GPATCH8: variants seen among roughly 807,000 people sequenced by gnomAD.
The protein encoded by GPATCH8 is G-patch domain containing 8.
GPATCH8 carries 18 observed loss-of-function variants against 118.3 expected under a neutral mutation model. That is an observed-to-expected ratio of 0.15 (90% CI 0.11 to 0.23). The LOEUF (loss-of-function observed/expected upper bound fraction) is 0.23. Ranked by LOEUF, GPATCH8 falls within the 10% of genes least tolerant of loss-of-function variation. The pLI, the probability that GPATCH8 is intolerant of heterozygous loss-of-function variation, is 1.00. For synonymous variants in GPATCH8, 659 were observed against 684.7 expected, an observed-to-expected ratio of 0.96 and a Z score of 0.59; for missense variants, 1,631 against 1,873.8, an observed-to-expected ratio of 0.87 and a Z score of 2.39.
At chr17:44,460,823 T>C (rs1246656422) in intron 3 of GPATCH8, among the ~76,000 whole-genome samples, 1 of 152,206 alleles carries the variant, frequency 6.6e-6, no homozygotes, top group Non-Finnish European at 1.5e-5. Flanking sequence ...AGGTTTAGTA[T>C]GGTCAAAGAA....
chr17:44,502,804 G>A (rs1265105771), intron 1 of GPATCH8, among the ~76,000 whole-genome samples: 3 of 152,156 alleles, frequency 2.0e-5, no homozygotes, highest in African/African-American at 4.8e-5. Flanking sequence ...TGATAGCGAA[G>A]GCAACCTTTT....
chr17:44,453,670 G>A (rs990453658), intron 3 of GPATCH8, among the ~76,000 whole-genome samples: 6 of 151,996 alleles, frequency 3.9e-5, no homozygotes, highest in African/African-American at 1.2e-4. Context: ...GACTAAGGGT[G>A]CACATCACCA....
rs551294797 is a variant in GPATCH8, at chr17:44,452,090, G to C, written c.193+12382C>G. On this transcript the variant is annotated intron_variant, in intron 3 of 7. Transcript: ENST00000591680. ...GTTTGAGACCAGTCTGGCCAACATAGTGAAACCCCGTCTCTAATAAAAATA... is the reference window on the plus strand; with the variant it reads ...GTTTGAGACCAGTCTGGCCAACATACTGAAACCCCGTCTCTAATAAAAATA... Among the ~76,000 whole-genome samples, 4 of 152,008 alleles carry C rather than the reference G, an allele frequency of 2.6e-5. No homozygotes were observed. The South Asian group carries it at 6.2e-4, about 24-fold the overall frequency.
rs555854671 is a variant in GPATCH8 at position 44,467,750 on chromosome 17, A to G, written c.121-3206T>C. ...AGTATTCAGTATGGTCTCCCTTCCT[A>G]TCAGTAAAAGAAAAAAAGGTTTTAT... On this transcript the variant is annotated intron_variant, in intron 2 of 7. Transcript: ENST00000591680. Among the ~76,000 whole-genome samples the G allele has an allele frequency of 3.3e-5, 5 of 152,172 alleles. No homozygotes were observed. In the South Asian group the frequency reaches 1.0e-3, roughly 32 times the overall value.
In GPATCH8 at chr17:44,414,105, G is replaced by GTATATATATATGTATATATATGTGTATA. The variant is rs1567955370; in HGVS notation, c.493-8082_493-8055dup. 6.9e-5 allele frequency among the ~76,000 whole-genome samples: 7 copies of GTATATATATATGTATATATATGTGTATA among 100,844 alleles called. No individual in the cohort carries two copies. The South Asian group carries it at 1.8e-3, about 26-fold the overall frequency. 66.2% of individuals were successfully genotyped at this position (100,844 alleles called of 152,430 possible). On this transcript the variant is annotated intron_variant, in intron 6 of 7. Coordinates refer to ENST00000591680, the MANE Select transcript of GPATCH8 (RefSeq NM_001002909.4). ...TGTGTGTGTATATATATATATGTGT[G>GTATATATATATGTATATATATGTGTATA]TATATATATATGTATATATATGTGT...
chr17:44,465,629 A>G (rs1386324722), intron 2 of GPATCH8: 1 of 152,234 alleles, frequency 6.6e-6, no homozygotes, highest in Non-Finnish European at 1.5e-5. Flanking sequence ...TTAAAATGTA[A>G]TTTATAGTAT....
intron 6 of GPATCH8, among the ~76,000 whole-genome samples, chr17:44,422,586 T>G (rs1291152165): frequency 6.6e-6 from 1 of 151,562 alleles, no homozygotes. Flanking sequence ...GCCTCCCGGG[T>G]TCACGCCATT....
At chr17:44,436,598 A>C in intron 3 of GPATCH8, 53 bp from the exon 4 acceptor site, 128 of 860,554 alleles carry the variant, frequency 1.5e-4, no homozygotes, top group Non-Finnish European at 2.4e-4. Context: ...CCAACAGCTC[A>C]TTTTACACAT....
In GPATCH8 at chr17:44,503,340, C is replaced by A; in HGVS notation, c.31G>T (p.Asp11Tyr). 1 of 1,611,068 alleles carries A rather than the reference C, an allele frequency of 6.2e-7. No individual in the cohort carries two copies. The highest frequency in any genetic ancestry group is 1.1e-5 in the South Asian group (1 of 90,194). Residue 11 changes from aspartate to tyrosine, a missense_variant, in exon 1 of 8, where the codon GAC becomes TAC. Asp to Tyr is a radical substitution (Grantham distance 160). Coordinates refer to ENST00000591680, the MANE Select transcript of GPATCH8 (RefSeq NM_001002909.4). ...CCCGTGTTTACCTGAAAGTCTCGGT[C>A]TTCGTTGAAGCGGGAGAAGCGGTCC... The part of the protein sequence containing the change: MADRFSRFNE[D>Y]RDFQGNHFDQ...
intron 3 of GPATCH8, among the ~76,000 whole-genome samples, chr17:44,452,525 C>T (rs974264743): frequency 6.6e-5 from 10 of 152,056 alleles, no homozygotes; most frequent in African/African-American, 2.4e-4. Flanking sequence ...TCATAGTTGA[C>T]CTGTTTTATC....
intron 5 of GPATCH8, among the ~76,000 whole-genome samples, chr17:44,428,919 T>A (rs1373516044): frequency 6.6e-6 from 1 of 151,170 alleles, no homozygotes; most frequent in South Asian, 2.1e-4. Flanking sequence ...AGGTGGGCGG[T>A]TCACGAGGTC....
chr17:44,480,975 T>C (rs1218018228), intron 1 of GPATCH8, among the ~76,000 whole-genome samples: 1 of 152,166 alleles, frequency 6.6e-6, no homozygotes, highest in African/African-American at 2.4e-5. Context: ...GGCACCATCA[T>C]GGCTCACTCC....
chr17:44,475,400 G>GA (rs1037745769), intron 1 of GPATCH8, among the ~76,000 whole-genome samples: 1 of 135,140 alleles, frequency 7.4e-6, no homozygotes, highest in Non-Finnish European at 1.6e-5. Flanking sequence ...AAAAAAAAAA[G>GA]AAAAAACTTT....
At chr17:44,419,348 G>A (rs1235102398) in intron 6 of GPATCH8, among the ~76,000 whole-genome samples, 1 of 152,128 alleles carries the variant, frequency 6.6e-6, no homozygotes. Flanking sequence ...TGATTTTAGA[G>A]CATGAATTTG....
chr17:44,400,394 T>C lies in GPATCH8; in HGVS notation c.1683A>G (p.Ala561=). The stretch of plus-strand genomic sequence containing the variant: ...TACAACTGTATGAAATGGAGGGTTC[T>C]GCCTTGGTGAAAATTAATAGTTCTG... The part of the protein sequence containing the change: ...WPSELLIFTK[A]EPSISYSCNP... Residue 561 remains alanine (A), a synonymous_variant, in exon 8 of 8, where the codon GCA becomes GCG. Transcript: ENST00000591680. The C allele has an allele frequency of 2.5e-6, 4 of 1,613,942 alleles. No homozygotes were observed. In the South Asian group the frequency reaches 3.3e-5, roughly 13 times the overall value.
At chr17:44,468,373 CTTTTTTTTTTTTTTTTT>C (rs869068538) in intron 2 of GPATCH8, among the ~76,000 whole-genome samples, 3 of 100,014 alleles carry the variant, frequency 3.0e-5, no homozygotes, top group African/African-American at 4.3e-5. Flanking sequence ...TTCTTTGTTC[CTTTTTTTTTTTTTTTTT>C]TTTTTTTTTT....
rs200033732 is a variant in GPATCH8, at chr17:44,399,478, G to C, written c.2599C>G (p.Arg867Gly). Residue 867 changes from arginine (R) to glycine (G), a missense_variant, in exon 8 of 8, where the codon CGG (arginine) becomes GGG (glycine). Coordinates refer to ENST00000591680, the MANE Select transcript of GPATCH8 (RefSeq NM_001002909.4). ...TCTGAGCTACTTGAGTAAGAACGCC[G>C]GGAGGAACGATGCGAGGAATGGCGC... Reference protein sequence around the residue: ...GRRHSSHRSSRRSYSSSSDAS... With the variant: ...GRRHSSHRSSGRSYSSSSDAS... The C allele has an allele frequency of 3.1e-6, 5 of 1,614,042 alleles. No individual in the cohort carries two copies. Among genetic ancestry groups the C allele is most frequent in the Admixed American group, 3.3e-5 (2 of 59,990 alleles).
chr17:44,398,291 T>C lies in GPATCH8; in HGVS notation c.3786A>G (p.Pro1262=). 1 of 1,613,924 alleles carries C rather than the reference T, an allele frequency of 6.2e-7. No homozygotes were observed. ...TLESLDSSSQ[P]GPVESSLLPI... Reference sequence around the variant, plus strand: ...GCAGCAAGCTGGACTCCACAGGGCCTGGCTGACTGCTGCTATCCAGGGACT... The same window carrying C: ...GCAGCAAGCTGGACTCCACAGGGCCCGGCTGACTGCTGCTATCCAGGGACT... The change falls in exon 8 of 8, where the codon CCA becomes CCG. Residue 1262 remains proline, a synonymous_variant. Coordinates refer to ENST00000591680, the MANE Select transcript of GPATCH8 (RefSeq NM_001002909.4).
Position 44,397,840 on chromosome 17 carries a change from G to C in GPATCH8, c.4237C>G (p.Leu1413Val). The C allele has an allele frequency of 6.3e-7, 1 of 1,598,212 alleles. No homozygotes were observed. The highest frequency in any genetic ancestry group is 8.6e-7 in the Non-Finnish European group (1 of 1,169,098). Residue 1413 changes from leucine (L) to valine (V), a missense_variant, in exon 8 of 8, where the codon CTG becomes GTG. Around this residue, in one of 8 missense-constraint regions of GPATCH8, gnomAD observed 111 missense variants for 112.4 expected, o/e 0.99. Transcript: ENST00000591680. ...AQVHHIPQPHLTPISLSHLTH... is the reference protein window; with the variant it reads ...AQVHHIPQPHVTPISLSHLTH... The stretch of plus-strand genomic sequence containing the variant: ...AGGTGGGACAAAGAAATGGGGGTCA[G>C]ATGGGGCTGGGGAATATGATGCACC...
Sources: gnomAD v4.1 joint callset for allele counts (sites outside exome capture counted in the v4.1 genomes callset) on GRCh38, gnomAD v4.1.1 for gene constraint, gnomAD v4.1.1 regional missense constraint, MANE v1.5 for transcripts, NCBI Gene and HGNC (gene_info 2026-07-23, HGNC 2026-07-21) for gene names.